Variants in GNB4 observed in about 807,000 individuals in gnomAD.
GNB4 encodes the protein G protein subunit beta 4.
In GNB4, 28 loss-of-function variants were observed where a neutral mutation model predicts 45.2. That is an observed-to-expected ratio of 0.62 (90% CI 0.46 to 0.85). The LOEUF (loss-of-function observed/expected upper bound fraction) is 0.85. GNB4 is among the 40% of genes least tolerant of loss of function. The probability of loss-of-function intolerance (pLI) is 0.00; values close to 1 mark genes in which losing one functional copy is unlikely to be tolerated. For missense variants in GNB4, 321 were observed against 425.4 expected, an observed-to-expected ratio of 0.75 and a Z score of 2.16; for synonymous variants, 132 against 143.7, an observed-to-expected ratio of 0.92 and a Z score of 0.58.
the GNB4 span, among the ~76,000 whole-genome samples, chr3:179,494,313 GGAAA>G: frequency 2.7e-5 from 4 of 150,790 alleles, no homozygotes; most frequent in Non-Finnish European, 5.9e-5. Context: ...AAGGAAGGAA[GGAAA>G]GAAAGAAAGA....
the GNB4 span, chr3:179,465,330 G>T: frequency 7.9e-7 from 1 of 1,267,766 alleles, no homozygotes. Flanking sequence ...ATGGCCGGGC[G>T]CGGTGGCTCA....
At position 179,413,757 on chromosome 3, in the gene GNB4, A is replaced by T; in HGVS notation, c.455T>A (p.Leu152Ter). 6.2e-7 allele frequency: 1 copy of T among 1,614,062 alleles called. No homozygotes were observed. Among genetic ancestry groups the T allele is most frequent in the Non-Finnish European group, 8.5e-7 (1 of 1,179,932 alleles). The change falls in exon 7 of 10, where the codon TTA becomes TAA. Residue 152 changes from leucine to a stop codon, truncating the protein, a stop_gained. Coordinates refer to ENST00000232564, the MANE Select transcript of GNB4 (RefSeq NM_021629.4). LOFTEE classifies it high-confidence loss of function. ...ACTTGTAACAATTTGGCTGTCATCT[A>T]AAAAACGACAGCAGGACAAGTACCC... ...HTGYLSCCRF[L>*]DDSQIVTSSG...
Position 179,409,496 on chromosome 3 carries a change from G to A in GNB4, c.699+3916C>T, listed in dbSNP as rs1399566052. The stretch of plus-strand genomic sequence containing the variant: ...CATTGCACTCCAGCCTGGGCAACAA[G>A]GGAGAAACTCCATCTCAAAAACAAA... On this transcript the variant is annotated intron_variant, in intron 8 of 9. Coordinates refer to ENST00000232564, the MANE Select transcript of GNB4 (RefSeq NM_021629.4). 2.0e-5 allele frequency among the ~76,000 whole-genome samples: 3 copies of A among 148,096 alleles called. No homozygotes were observed. In the Admixed American group the frequency reaches 2.0e-4, roughly 10 times the overall value.
At position 179,399,326 on chromosome 3, in the gene GNB4, C is replaced by T. The variant is rs1341313416; in HGVS notation, c.*1887G>A. The T allele has an allele frequency of 6.6e-6, 1 of 152,158 alleles. No individual in the cohort carries two copies. The highest frequency in any genetic ancestry group is 2.4e-5 in the African/African-American group (1 of 41,418). The allele number at this position is 152,158 out of a possible 1,614,324, so 9.4% of individuals were successfully genotyped here. ...CAGGCGAATCTCCTGCCTCAGCCTC[C>T]CGAGTAGCTGGGATTACAGGAATGT... On this transcript the variant is annotated 3_prime_UTR_variant, in exon 10 of 10. Coordinates refer to ENST00000232564, the MANE Select transcript of GNB4 (RefSeq NM_021629.4).
the GNB4 span, among the ~76,000 whole-genome samples, chr3:179,520,700 C>A: frequency 1.3e-5 from 2 of 152,112 alleles, no homozygotes; most frequent in East Asian, 1.9e-4. Context: ...GTTCCTGGCC[C>A]AGACTTCAAT....
chr3:179,508,930 G>GTATATATATATATATATATATATATA, the GNB4 span, among the ~76,000 whole-genome samples: 120 of 46,946 alleles, frequency 2.6e-3, 5 homozygotes, highest in East Asian at 6.8e-3. Flanking sequence ...CTTTCAGCAT[G>GTATATATATATATATATATATATATA]TGTATATATA....
rs1460939179 is a variant in GNB4, at chr3:179,413,905, C to T, written c.431-124G>A. 4 of 709,070 alleles carry T rather than the reference C, an allele frequency of 5.6e-6. No individual in the cohort carries two copies. In the Admixed American group the frequency reaches 1.1e-4, roughly 19 times the overall value. 43.9% of individuals were successfully genotyped at this position (709,070 alleles called of 1,614,324 possible). Reference sequence around the variant, plus strand: ...GGCAACAAGTGTTTGTCAATATAGTCTATAGTTCTACTTTTAGTTACTTCA... The same window carrying T: ...GGCAACAAGTGTTTGTCAATATAGTTTATAGTTCTACTTTTAGTTACTTCA... On this transcript the variant is annotated intron_variant, in intron 6 of 9. Coordinates refer to ENST00000232564, the MANE Select transcript of GNB4 (RefSeq NM_021629.4).
intron 4 of GNB4, among the ~76,000 whole-genome samples, chr3:179,417,226 C>G (rs1714826031): frequency 6.6e-6 from 1 of 152,078 alleles, no homozygotes; most frequent in African/African-American, 2.4e-5. Flanking sequence ...AGATCAATGA[C>G]AGGTAGAAAA....
chr3:179,406,946 A>G (rs1714491385), intron 8 of GNB4, among the ~76,000 whole-genome samples: 1 of 152,168 alleles, frequency 6.6e-6, no homozygotes. Context: ...AAAGTACTTC[A>G]TAAGACCCTT....
the GNB4 span, among the ~76,000 whole-genome samples, chr3:179,512,995 T>C: frequency 6.6e-6 from 1 of 151,756 alleles, no homozygotes; most frequent in Non-Finnish European, 1.5e-5. Flanking sequence ...AAAAATAGTC[T>C]CTATTTTTTT....
the GNB4 span, among the ~76,000 whole-genome samples, chr3:179,460,544 T>C: frequency 3.2e-4 from 49 of 152,362 alleles, no homozygotes; most frequent in East Asian, 8.3e-3. Context: ...TGTTTCATCT[T>C]GGTTTAGTTG....
At chr3:179,472,217 AT>A in the GNB4 span, among the ~76,000 whole-genome samples, 2 of 152,130 alleles carry the variant, frequency 1.3e-5, no homozygotes, top group Non-Finnish European at 2.9e-5. Flanking sequence ...AACTGAAAAA[AT>A]ATACCAAAAT....
the GNB4 span, among the ~76,000 whole-genome samples, chr3:179,497,072 T>G: frequency 6.6e-6 from 1 of 152,020 alleles, no homozygotes; most frequent in Non-Finnish European, 1.5e-5. Flanking sequence ...AATTGTAAAG[T>G]GAGGTTATTT....
At chr3:179,493,239 G>A in the GNB4 span, among the ~76,000 whole-genome samples, 2 of 152,192 alleles carry the variant, frequency 1.3e-5, no homozygotes, top group Admixed American at 1.3e-4. Context: ...GAAATGAAGA[G>A]CTACAAAGTA....
intron 1 of GNB4, among the ~76,000 whole-genome samples, chr3:179,437,583 C>A (rs1715489854): frequency 6.6e-6 from 1 of 151,732 alleles, no homozygotes; most frequent in African/African-American, 2.4e-5. Flanking sequence ...CAAAAACAGA[C>A]TAAGCAATAG....
At chr3:179,465,999 C>A in the GNB4 span, among the ~76,000 whole-genome samples, 32 of 140,460 alleles carry the variant, frequency 2.3e-4, no homozygotes, top group African/African-American at 8.3e-4. Context: ...CAGCCTCATC[C>A]TCTAGTCGTT....
the GNB4 span, chr3:179,465,053 A>C: frequency 6.7e-7 from 1 of 1,497,548 alleles, no homozygotes; most frequent in Non-Finnish European, 9.3e-7. Flanking sequence ...ATATACTTCC[A>C]AAGAGCAGTT....
rs535532872 is a variant in GNB4 at position 179,401,052 on chromosome 3, C to G, written c.*161G>C. ...AGGCGCCTTTGCCTTTTTTCCTCCA[C>G]CCCCACTTTTTTTTTGGTAGTTTAC... On this transcript the variant is annotated 3_prime_UTR_variant, in exon 10 of 10. Transcript: ENST00000232564. 3 of 524,862 alleles carry G rather than the reference C, an allele frequency of 5.7e-6. No homozygotes were observed. Among genetic ancestry groups the G allele is most frequent in the East Asian group, 3.1e-5 (1 of 31,986 alleles). 32.5% of individuals were successfully genotyped at this position (524,862 alleles called of 1,614,324 possible).
At chr3:179,433,148 C>T (rs963398564) in intron 1 of GNB4, among the ~76,000 whole-genome samples, 2 of 151,488 alleles carry the variant, frequency 1.3e-5, no homozygotes, top group Non-Finnish European at 2.9e-5. Context: ...GAAAGTTTTC[C>T]ATCTACACTA....
Sources: gnomAD v4.1 joint callset for allele counts (sites outside exome capture counted in the v4.1 genomes callset) on GRCh38, gnomAD v4.1.1 for gene constraint, MANE v1.5 for transcripts, NCBI Gene and HGNC (gene_info 2026-07-23, HGNC 2026-07-21) for gene names.